The following KRT71 variants were observed in gnomAD, a reference collection of about 807,000 sequenced individuals.
KRT71 encodes the protein keratin, type II cytoskeletal 71.
A neutral mutation model predicts 46.2 loss-of-function variants in KRT71; 42 were observed. The observed-to-expected ratio is 0.91, with a 90% CI of 0.71 to 1.18. KRT71 has a LOEUF of 1.18. Ranked by LOEUF, KRT71 falls within the 50% of genes most tolerant of loss-of-function variation. The probability of loss-of-function intolerance (pLI) is 0.00; values close to 1 mark genes in which losing one functional copy is unlikely to be tolerated. For missense variants in KRT71, 708 were observed against 677.9 expected (o/e 1.04, Z -0.49); for synonymous variants, 292 against 277.8 (o/e 1.05, Z -0.51).
In KRT71 at chr12:52,552,472, A is replaced by G. The variant is rs901223536; in HGVS notation, c.441+165T>C. Among the ~76,000 whole-genome samples, 4 of 152,240 alleles carry G rather than the reference A, an allele frequency of 2.6e-5. No individual in the cohort carries two copies. The South Asian group carries it at 8.3e-4, about 32-fold the overall frequency. ...TGTTTTCTCTCTGGAAAGACAACAC[A>G]GAGAACCTTACACAGGTCACCCTGT... On this transcript the variant is annotated intron_variant, in intron 1 of 8. Transcript: ENST00000267119.
intron 4 of KRT71, 22 bp from the exon 5 acceptor site, chr12:52,548,338 T>G: frequency 6.3e-7 from 1 of 1,588,886 alleles, no homozygotes; most frequent in East Asian, 2.2e-5. Flanking sequence ...ACAGAAATGG[T>G]CTCTCGGCTC....
At chr12:52,551,526 C>A (rs1248577574) in intron 1 of KRT71, among the ~76,000 whole-genome samples, 1 of 152,214 alleles carries the variant, frequency 6.6e-6, no homozygotes, top group African/African-American at 2.4e-5. Context: ...TGAGGCTGAG[C>A]CGAGGGCAGC....
Position 52,551,400 on chromosome 12 carries a change from G to A in KRT71, c.442-1157C>T, listed in dbSNP as rs567936291. ...ATCCTTCTGTAGGTTTTGACCAGCCGAGCCAAGAATCAATCAGTCCACTCC... is the reference window on the plus strand; with the variant it reads ...ATCCTTCTGTAGGTTTTGACCAGCCAAGCCAAGAATCAATCAGTCCACTCC... On this transcript the variant is annotated intron_variant, in intron 1 of 8. Coordinates refer to ENST00000267119, the MANE Select transcript of KRT71 (RefSeq NM_033448.3). Among the ~76,000 whole-genome samples the A allele has an allele frequency of 1.1e-4, 16 of 152,174 alleles. No homozygotes were observed. The East Asian group carries it at 1.9e-3, about 18-fold the overall frequency.
Position 52,546,468 on chromosome 12 carries a change from C to T in KRT71, c.1143G>A (p.Gln381=). 3 of 1,614,216 alleles carry T rather than the reference C, an allele frequency of 1.9e-6. No homozygotes were observed. The highest frequency in any genetic ancestry group is 2.5e-6 in the Non-Finnish European group (3 of 1,180,040). ...NLETAIADAE[Q]RGDNALKDAR... is the part of the protein sequence containing the mutation. ...CATCCTTCAGGGCGTTGTCTCCCCG[C>T]TGCTCAGCATCAGCGATGGCTGTCT... is the stretch of plus-strand genomic sequence containing the variant. Residue 381 remains glutamine (Q), a synonymous_variant, in exon 7 of 9, where the codon CAG becomes CAA. Coordinates refer to ENST00000267119, the MANE Select transcript of KRT71 (RefSeq NM_033448.3).
rs1041089300 is a variant in KRT71 at position 52,552,928 on chromosome 12, G to A, written c.150C>T (p.Ser50=). Residue 50 remains serine (S), a synonymous_variant, in exon 1 of 9, where the codon AGC becomes AGT. Coordinates refer to ENST00000267119, the MANE Select transcript of KRT71 (RefSeq NM_033448.3). Reference sequence around the variant, plus strand: ...CATTGAGGCTCCGGACACCCCCCAGGCTGTAGAGGCTCCGGCTGCCAAAGC... The same window carrying A: ...CATTGAGGCTCCGGACACCCCCCAGACTGTAGAGGCTCCGGCTGCCAAAGC... The part of the protein sequence containing the change: ...SGGFGSRSLY[S]LGGVRSLNVA... 4.3e-6 allele frequency: 7 copies of A among 1,614,050 alleles called. No individual in the cohort carries two copies. The highest frequency in any genetic ancestry group is 5.9e-6 in the Non-Finnish European group (7 of 1,180,054).
At chr12:52,546,570 C>T in intron 6 of KRT71, 64 bp from the exon 7 acceptor site, 1 of 1,514,152 alleles carries the variant, frequency 6.6e-7, no homozygotes, top group East Asian at 2.3e-5. Context: ...CACATCCAAT[C>T]CCTCTGGGTC....
At chr12:52,545,947 A>T (rs1204002154) in intron 7 of KRT71, among the ~76,000 whole-genome samples, 1 of 152,082 alleles carries the variant, frequency 6.6e-6, no homozygotes, top group Admixed American at 6.6e-5. Flanking sequence ...CAAGCTGCAC[A>T]TGGACAGATC....
intron 3 of KRT71, 50 bp from the exon 4 acceptor site, chr12:52,548,846 G>T (rs1322472979): frequency 1.3e-6 from 2 of 1,531,648 alleles, no homozygotes; most frequent in East Asian, 2.3e-5. Context: ...AGCCAAAAAG[G>T]CAGCAGCCAT....
chr12:52,551,377 C>T (rs1398013136), intron 1 of KRT71, among the ~76,000 whole-genome samples: 1 of 152,220 alleles, frequency 6.6e-6, no homozygotes, highest in Non-Finnish European at 1.5e-5. Flanking sequence ...CAGACTTTAT[C>T]CTTCTGTAGG....
intron 8 of KRT71, among the ~76,000 whole-genome samples, chr12:52,544,993 A>G (rs1939035753): frequency 6.6e-6 from 1 of 152,116 alleles, no homozygotes; most frequent in Non-Finnish European, 1.5e-5. Flanking sequence ...CCAGGTACCA[A>G]TACCCCTACC....
chr12:52,548,028 A>G (rs773014390), intron 5 of KRT71, 46 bp from the exon 6 acceptor site: 4 of 1,610,394 alleles, frequency 2.5e-6, no homozygotes, highest in Admixed American at 3.3e-5. Context: ...GTGGGAGTGC[A>G]TGTATCTTGG....
chr12:52,548,679 C>A, intron 4 of KRT71, 22 bp downstream of exon 4: 2 of 1,606,886 alleles, frequency 1.2e-6, no homozygotes, highest in Non-Finnish European at 1.7e-6. Flanking sequence ...CCTAGATGAA[C>A]CAAGTGGGCA....
intron 1 of KRT71, 138 bp from the exon 2 acceptor site, chr12:52,550,381 C>A (rs571253102): frequency 4.6e-6 from 5 of 1,087,710 alleles, no homozygotes; most frequent in Non-Finnish European, 5.2e-6. Flanking sequence ...TTACCCTCTG[C>A]TATGGAGAGA....
In KRT71 at chr12:52,552,672, C is replaced by A; in HGVS notation, c.406G>T (p.Ala136Ser). The A allele has an allele frequency of 1.9e-6, 3 of 1,613,366 alleles. No individual in the cohort carries two copies. The highest frequency in any genetic ancestry group is 2.5e-6 in the Non-Finnish European group (3 of 1,179,604). Residue 136 changes from alanine (A) to serine (S), a missense_variant, in exon 1 of 9, where the codon GCT becomes TCT. Transcript: ENST00000267119. ...AAGGAGGCGAACTTGTTGTTCAGAG[C>A]CTTGATCTGCTCTCGCTCCTGGGCA... is the stretch of plus-strand genomic sequence containing the variant. ...VRAQEREQIK[A>S]LNNKFASFID...
intron 4 of KRT71, 134 bp downstream of exon 4, chr12:52,548,567 G>T: frequency 1.2e-6 from 1 of 852,008 alleles, no homozygotes; most frequent in Non-Finnish European, 1.9e-6. Context: ...AGCCTCGCAA[G>T]TCTGATGCGG....
chr12:52,547,224 C>T lies in KRT71; in HGVS notation c.1104+633G>A, dbSNP rs542260681. ...TCAGTTTCCTCATCTGTAACAACAG[C>T]GAGGGCAACTGTTGCCTCTCAGGGT... On this transcript the variant is annotated intron_variant, in intron 6 of 8. Transcript: ENST00000267119. Among the ~76,000 whole-genome samples the T allele has an allele frequency of 3.4e-4, 52 of 152,276 alleles. 1 individual carries two copies. The highest frequency in any genetic ancestry group is 6.2e-4 in the Non-Finnish European group (42 of 68,012).
At chr12:52,547,423 C>T (rs1272453837) in intron 6 of KRT71, among the ~76,000 whole-genome samples, 1 of 152,230 alleles carries the variant, frequency 6.6e-6, no homozygotes, top group Non-Finnish European at 1.5e-5. Context: ...ATTTCTCCAT[C>T]TCAGTCATTA....
chr12:52,550,052 G>A lies in KRT71; in HGVS notation c.633C>T (p.Asp211=), dbSNP rs113716134. 2.7e-5 allele frequency: 43 copies of A among 1,614,150 alleles called. 2 individuals carry two copies. In the African/African-American group the frequency reaches 3.3e-4, roughly 13 times the overall value. ...ACCTCTTCTTGTAGTCCTCCACTAC[G>A]TCCCGCACATTCCTCAGCTCCGAGT... ...RLDSELRNVR[D]VVEDYKKRYE... The change falls in exon 2 of 9, where the codon GAC becomes GAT. Residue 211 remains aspartate (D), a synonymous_variant. Coordinates refer to ENST00000267119, the MANE Select transcript of KRT71 (RefSeq NM_033448.3).
At chr12:52,552,597 G>A (rs1304719442) in intron 1 of KRT71, 40 bp downstream of exon 1, 1 of 1,554,886 alleles carries the variant, frequency 6.4e-7, no homozygotes, top group Non-Finnish European at 8.7e-7. Flanking sequence ...AAGAGAAGAG[G>A]AGGGCTGTTC....
Sources: gnomAD v4.1 joint callset for allele counts (sites outside exome capture counted in the v4.1 genomes callset) on GRCh38, gnomAD v4.1.1 for gene constraint, MANE v1.5 for transcripts, NCBI Gene and HGNC (gene_info 2026-07-23, HGNC 2026-07-21) for gene names.